Variants in DCLK1 observed in about 807,000 individuals in gnomAD.
DCLK1 encodes doublecortin like kinase 1, also known as serine/threonine-protein kinase DCLK1.
DCLK1 carries 16 observed loss-of-function variants against 86.2 expected under a neutral mutation model. That is an observed-to-expected ratio of 0.19 (90% CI 0.13 to 0.28). The LOEUF (loss-of-function observed/expected upper bound fraction) is 0.28, where lower values mean the gene tolerates loss of function less well. Among genes scored for constraint, DCLK1 ranks in the 10% least tolerant of loss-of-function variants. The pLI is 1.00. For missense variants in DCLK1, 590 were observed against 940.2 expected, an observed-to-expected ratio of 0.63 and a Z score of 4.87; for synonymous variants, 369 against 370.5, an observed-to-expected ratio of 1.00 and a Z score of 0.05.
chr13:35,953,079 T>C (rs1417161616), intron 3 of DCLK1, among the ~76,000 whole-genome samples: 1 of 152,206 alleles, frequency 6.6e-6, no homozygotes, highest in Non-Finnish European at 1.5e-5. Context: ...CTCTTTTTGG[T>C]GTGATGTACC....
At chr13:35,982,730 G>T (rs1230183087) in intron 3 of DCLK1, among the ~76,000 whole-genome samples, 2 of 152,082 alleles carry the variant, frequency 1.3e-5, no homozygotes, top group Non-Finnish European at 2.9e-5. Context: ...TGATTAGGAA[G>T]GTTCAAAGTC....
chr13:35,774,725 A>T (rs760073492), intron 16 of DCLK1, 26 bp from the exon 17 acceptor site: 1 of 1,604,298 alleles, frequency 6.2e-7, no homozygotes, highest in South Asian at 1.1e-5. Flanking sequence ...AATGAGAAAG[A>T]GGACAATTAG....
At chr13:35,858,409 T>C (rs781597495) in intron 5 of DCLK1, among the ~76,000 whole-genome samples, 4 of 152,240 alleles carry the variant, frequency 2.6e-5, no homozygotes, top group Non-Finnish European at 5.9e-5. Flanking sequence ...CAATGTTTTC[T>C]GTTTTAGATG....
intron 3 of DCLK1, among the ~76,000 whole-genome samples, chr13:36,045,255 T>TCC (rs2153155960): frequency 8.8e-6 from 1 of 113,140 alleles, no homozygotes; most frequent in Non-Finnish European, 1.8e-5. Context: ...AAAATCCATC[T>TCC]TCTATATATA....
chr13:36,029,181 G>A (rs745649242), intron 3 of DCLK1, among the ~76,000 whole-genome samples: 3 of 152,144 alleles, frequency 2.0e-5, no homozygotes, highest in Non-Finnish European at 2.9e-5. Context: ...ACTCTTTCCG[G>A]TAACAGTGAC....
At chr13:36,081,220 A>G (rs974179340) in intron 3 of DCLK1, among the ~76,000 whole-genome samples, 4 of 152,166 alleles carry the variant, frequency 2.6e-5, no homozygotes, top group African/African-American at 9.7e-5. Flanking sequence ...TGAAGCTAAG[A>G]ATTCAATTTG....
intron 16 of DCLK1, among the ~76,000 whole-genome samples, chr13:35,786,985 A>T (rs192411979): frequency 6.6e-6 from 1 of 152,060 alleles, no homozygotes; most frequent in East Asian, 1.9e-4. Context: ...TCATTTGTCA[A>T]GGTATGCCCC....
At chr13:36,045,297 C>A (rs1882842206) in intron 3 of DCLK1, among the ~76,000 whole-genome samples, 1 of 108,876 alleles carries the variant, frequency 9.2e-6, no homozygotes, top group Non-Finnish European at 1.9e-5. Context: ...TAATAATCGT[C>A]TAATATATAT....
intron 16 of DCLK1, among the ~76,000 whole-genome samples, chr13:35,783,506 C>T (rs963944630): frequency 1.3e-5 from 2 of 152,106 alleles, no homozygotes; most frequent in Admixed American, 1.3e-4. Flanking sequence ...AGATCCAAAC[C>T]CAGGGCTTCT....
intron 4 of DCLK1, among the ~76,000 whole-genome samples, chr13:35,883,666 G>C (rs1297880237): frequency 6.6e-6 from 1 of 152,228 alleles, no homozygotes; most frequent in African/African-American, 2.4e-5. Context: ...CTGGCGTGTA[G>C]AGGAAACATT....
At chr13:35,776,511 T>C (rs2153097130) in intron 16 of DCLK1, among the ~76,000 whole-genome samples, 1 of 152,308 alleles carries the variant, frequency 6.6e-6, no homozygotes, top group East Asian at 1.9e-4. Flanking sequence ...ATCAGGTTTG[T>C]GGTCAGGGAT....
intron 3 of DCLK1, among the ~76,000 whole-genome samples, chr13:36,073,348 A>T (rs551360028): frequency 1.3e-5 from 2 of 152,296 alleles, no homozygotes; most frequent in South Asian, 4.2e-4. Context: ...TGGGATAGAT[A>T]CCTAAGTAAA....
chr13:35,872,260 T>A (rs1483417106), intron 4 of DCLK1, among the ~76,000 whole-genome samples: 1 of 152,214 alleles, frequency 6.6e-6, no homozygotes, highest in Non-Finnish European at 1.5e-5. Context: ...CATGATCAAA[T>A]GATACTTTAT....
intron 2 of DCLK1, among the ~76,000 whole-genome samples, chr13:36,113,618 C>A (rs1885686725): frequency 6.6e-6 from 1 of 152,046 alleles, no homozygotes; most frequent in South Asian, 2.1e-4. Flanking sequence ...GAAGAGAGAA[C>A]TGGAAATTCG....
intron 3 of DCLK1, among the ~76,000 whole-genome samples, chr13:36,060,241 T>G (rs2153159056): frequency 6.6e-6 from 1 of 152,328 alleles, no homozygotes; most frequent in Non-Finnish European, 1.5e-5. Context: ...ACATGTGTTT[T>G]TGGTCTAAAT....
At chr13:35,905,750 A>G (rs966668211) in intron 4 of DCLK1, among the ~76,000 whole-genome samples, 4 of 152,088 alleles carry the variant, frequency 2.6e-5, no homozygotes, top group Non-Finnish European at 4.4e-5. Context: ...GTTCGAGACC[A>G]GTCTGGCCAA....
intron 5 of DCLK1, among the ~76,000 whole-genome samples, chr13:35,869,369 G>C (rs1365877883): frequency 1.3e-5 from 2 of 152,188 alleles, no homozygotes; most frequent in African/African-American, 4.8e-5. Flanking sequence ...CTGACTCTCT[G>C]AGGCCAGGTC....
At chr13:35,983,622 T>G (rs548761118) in intron 3 of DCLK1, among the ~76,000 whole-genome samples, 1 of 152,322 alleles carries the variant, frequency 6.6e-6, no homozygotes, top group African/African-American at 2.4e-5. Flanking sequence ...AGTTGGATTG[T>G]TTGCAACACA....
At chr13:36,068,320 T>A (rs1345355946) in intron 3 of DCLK1, among the ~76,000 whole-genome samples, 1 of 152,158 alleles carries the variant, frequency 6.6e-6, no homozygotes, top group Non-Finnish European at 1.5e-5. Flanking sequence ...ACTGTCTTGG[T>A]CTCAAGTTAA....
Sources: allele counts gnomAD v4.1 joint callset (sites outside exome capture counted in the v4.1 genomes callset), GRCh38; gene constraint gnomAD v4.1.1; transcripts MANE v1.5; gene names NCBI Gene and HGNC (gene_info 2026-07-23, HGNC 2026-07-21).